Variants in TMPRSS6 observed in about 807,000 individuals in gnomAD.
The protein encoded by TMPRSS6 is transmembrane serine protease 6, also known as transmembrane protease serine 6.
Under a neutral mutation model 101.5 loss-of-function variants are expected in TMPRSS6, and 67 were observed. That is an observed-to-expected ratio of 0.66 (90% CI 0.54 to 0.81). The LOEUF (loss-of-function observed/expected upper bound fraction) is 0.81. Among genes scored for constraint, TMPRSS6 ranks in the 30% least tolerant of loss-of-function variants. The probability of loss-of-function intolerance (pLI) is 0.00; values close to 1 mark genes in which losing one functional copy is unlikely to be tolerated. For missense variants in TMPRSS6, 1,034 were observed against 1,088.7 expected, an observed-to-expected ratio of 0.95 and a Z score of 0.71; for synonymous variants, 453 against 464.9, an observed-to-expected ratio of 0.97 and a Z score of 0.33.
intron 16 of TMPRSS6, chr22:37,068,528 G>A (rs1568994721): frequency 1.8e-5 from 14 of 765,162 alleles, no homozygotes; most frequent in Middle Eastern, 2.6e-4. Context: ...CTGTTTCTGA[G>A]AGCAGTAGCA....
At chr22:37,074,803 TCA>T (rs762043265) in intron 11 of TMPRSS6, 95 bp from the exon 12 acceptor site, 40 of 1,313,186 alleles carry the variant, frequency 3.0e-5, no homozygotes, top group African/African-American at 7.3e-5. Context: ...ACCTGTTCAC[TCA>T]CACGCGCATG....
chr22:37,072,873 CATGGATGATGGATGGATGA>C (rs1569000006), intron 13 of TMPRSS6, among the ~76,000 whole-genome samples: 1 of 66,912 alleles, frequency 1.5e-5, no homozygotes, highest in East Asian at 5.3e-4. Flanking sequence ...ATGGATGATG[CATGGATGATGGATGGATGA>C]ATGGATGGAT....
chr22:37,065,722 A>AG lies in TMPRSS6; in HGVS notation c.*357dup. ...GGCTGCCCAAACAGCCTCTGTACAG[A>AG]GTGGGGCGCACCTCAGACACTCCTC... On this transcript the variant is annotated 3_prime_UTR_variant, in exon 18 of 18. Transcript: ENST00000676104. The AG allele has an allele frequency of 2.9e-6, 1 of 344,954 alleles. No homozygotes were observed. Among genetic ancestry groups the AG allele is most frequent in the South Asian group, 2.8e-5 (1 of 35,210 alleles). 21.4% of individuals were successfully genotyped at this position (344,954 alleles called of 1,614,324 possible). A position where few individuals can be genotyped will look rare whatever the true frequency, so the allele number is the denominator to read the frequency against.
At chr22:37,097,731 T>G in intron 3 of TMPRSS6, among the ~76,000 whole-genome samples, 1 of 110,998 alleles carries the variant, frequency 9.0e-6, no homozygotes, top group African/African-American at 4.2e-5. Flanking sequence ...CGGGCCACCG[T>G]CCTGTAACGG....
intron 10 of TMPRSS6, among the ~76,000 whole-genome samples, chr22:37,077,067 G>T (rs12159830): frequency 0.017 from 2,613 of 152,276 alleles, 73 homozygotes; most frequent in South Asian, 0.092. Context: ...GAGCTTTGAG[G>T]CTGTTTTAAC....
At chr22:37,072,339 TGATG>T (rs1247055865) in intron 13 of TMPRSS6, among the ~76,000 whole-genome samples, 18 of 129,608 alleles carry the variant, frequency 1.4e-4, no homozygotes, top group African/African-American at 3.6e-4. Flanking sequence ...AATGGATGGA[TGATG>T]GATGGATGGA....
chr22:37,068,737 A>G, intron 16 of TMPRSS6: 1 of 776,782 alleles, frequency 1.3e-6, no homozygotes, highest in South Asian at 1.4e-5. Context: ...TGGATGTGGA[A>G]AGTGCTAGTA....
At position 37,101,862 on chromosome 22, in the gene TMPRSS6, G is replaced by C. The variant is rs537758360; in HGVS notation, c.202+1354C>G. ...GTAGACTAATTAGCCCGCTACCTGA[G>C]GAGGCCCCCACAGCCCTGTGCTATC... On this transcript the variant is annotated intron_variant, in intron 2 of 17. Coordinates refer to ENST00000676104, the MANE Select transcript of TMPRSS6 (RefSeq NM_001374504.1). This position sits in a 1 kb window ranked among gnomAD's most constrained non-coding sequence, Gnocchi z 4.1. Among the ~76,000 whole-genome samples the C allele has an allele frequency of 6.6e-6, 1 of 152,180 alleles. No individual in the cohort carries two copies. The highest frequency in any genetic ancestry group is 1.5e-5 in the Non-Finnish European group (1 of 68,010).
intron 13 of TMPRSS6, 59 bp downstream of exon 13, chr22:37,073,473 T>A: frequency 8.5e-7 from 1 of 1,173,118 alleles, no homozygotes; most frequent in African/African-American, 1.5e-5. Flanking sequence ...TGCTGAAGCA[T>A]GTAGCAGGCC....
At position 37,088,944 on chromosome 22, in the gene TMPRSS6, G is replaced by A. The variant is rs143999122; in HGVS notation, c.836+634C>T. 9.3e-4 allele frequency among the ~76,000 whole-genome samples: 142 copies of A among 152,318 alleles called. 1 individual carries two copies. Among genetic ancestry groups the A allele is most frequent in the African/African-American group, 3.2e-3 (135 of 41,560 alleles). On this transcript the variant is annotated intron_variant, in intron 7 of 17. Transcript: ENST00000676104. ...CTTAGGGCACGCAGCTAGGAGACAG[G>A]GGGTTCCCCGTCACATCCCCACACC...
In TMPRSS6 at chr22:37,098,411, C is replaced by T; in HGVS notation, c.336+5G>A. The stretch of plus-strand genomic sequence containing the variant: ...CTCCCTCTCATCCCCCAGATCCTTT[C>T]CTACCATCTTCTGGGCTTTGGCGGT... On this transcript the variant is annotated splice_donor_5th_base_variant and intron_variant, in intron 3 of 17. Transcript: ENST00000676104. 1 of 1,613,944 alleles carries T rather than the reference C, an allele frequency of 6.2e-7. No individual in the cohort carries two copies.
rs1290452849 is a variant in TMPRSS6 at position 37,103,655 on chromosome 22, A to T, written c.-1-237T>A. On this transcript the variant is annotated intron_variant, in intron 1 of 17. Transcript: ENST00000676104. The surrounding 1 kb of genome is among the most constrained non-coding windows in gnomAD (Gnocchi z 4.4). ...GAGCTGGACTGGGTCTGGCTCAAGA[A>T]CCCCACCTTTGCTTCCCACTGGCTT... 2.7e-6 allele frequency: 4 copies of T among 1,493,938 alleles called. No individual in the cohort carries two copies. In the Admixed American group the frequency reaches 6.7e-5, roughly 25 times the overall value. 92.5% of individuals were successfully genotyped at this position (1,493,938 alleles called of 1,614,324 possible).
intron 2 of TMPRSS6, among the ~76,000 whole-genome samples, chr22:37,099,012 G>A (rs1200553463): frequency 6.6e-6 from 1 of 152,210 alleles, no homozygotes; most frequent in Non-Finnish European, 1.5e-5. Flanking sequence ...GCCTCCCCTT[G>A]TGAAGCTGAC....
intron 16 of TMPRSS6, among the ~76,000 whole-genome samples, chr22:37,067,716 C>T (rs766007077): frequency 3.6e-5 from 5 of 139,604 alleles, no homozygotes; most frequent in Non-Finnish European, 6.2e-5. Flanking sequence ...TATCACAGTC[C>T]CCCGGGGAGC....
At chr22:37,109,038 A>T (rs1930899416) in intron 1 of TMPRSS6, among the ~76,000 whole-genome samples, 1 of 152,112 alleles carries the variant, frequency 6.6e-6, no homozygotes, top group African/African-American at 2.4e-5. Context: ...ACGAACACAC[A>T]TACACATACA....
Position 37,069,345 on chromosome 22 carries a change from CT to C in TMPRSS6, c.1842-2del. ...GGTCCACAGCACCGTGGAGGCCATG[CT>C]GGGGTGGGGTGGGGTGGGGTGGGGT... On this transcript the variant is annotated splice_acceptor_variant, in intron 15 of 17. Transcript: ENST00000676104. LOFTEE classifies it high-confidence loss of function. The surrounding 1 kb of genome is among the most constrained non-coding windows in gnomAD (Gnocchi z 4.8). 2.4e-5 allele frequency: 10 copies of C among 418,064 alleles called. No individual in the cohort carries two copies. The highest frequency in any genetic ancestry group is 2.7e-5 in the Non-Finnish European group (7 of 257,870). 25.9% of individuals were successfully genotyped at this position (418,064 alleles called of 1,614,324 possible). A position where few individuals can be genotyped will look rare whatever the true frequency, so the allele number is the denominator to read the frequency against.
chr22:37,075,070 G>A, intron 11 of TMPRSS6, 65 bp downstream of exon 11: 2 of 1,611,216 alleles, frequency 1.2e-6, no homozygotes, highest in Non-Finnish European at 1.7e-6. Context: ...CCCCCTTGGT[G>A]GTTCCAGGGA....
chr22:37,097,169 A>G (rs1052229437), intron 3 of TMPRSS6, among the ~76,000 whole-genome samples: 8 of 152,212 alleles, frequency 5.3e-5, no homozygotes, highest in Admixed American at 4.6e-4. Context: ...TGTTATCTCA[A>G]CTTCACTGCA....
rs1423854963 is a variant in TMPRSS6, at chr22:37,097,188, C to T, written c.337-473G>A. ...ATCTCAACTTCACTGCAACCCACAA[C>T]AAATCTGCAGCCGGGTCCTGTTGTT... On this transcript the variant is annotated intron_variant, in intron 3 of 17. Coordinates refer to ENST00000676104, the MANE Select transcript of TMPRSS6 (RefSeq NM_001374504.1). 2.0e-5 allele frequency among the ~76,000 whole-genome samples: 3 copies of T among 152,236 alleles called. No individual in the cohort carries two copies. In the East Asian group the frequency reaches 5.8e-4, roughly 29 times the overall value.
Sources: allele counts gnomAD v4.1 joint callset (sites outside exome capture counted in the v4.1 genomes callset), GRCh38; gene constraint gnomAD v4.1.1; non-coding constraint Gnocchi (gnomAD v3.1); transcripts MANE v1.5; gene names NCBI Gene and HGNC (gene_info 2026-07-23, HGNC 2026-07-21).